ATP8B1: variants seen among roughly 807,000 people sequenced by gnomAD.
ATP8B1 encodes the protein ATPase phospholipid transporting 8B1.
Under a neutral mutation model 149.9 loss-of-function variants are expected in ATP8B1, and 80 were observed. The ratio of observed to expected loss-of-function variants is 0.53; its 90% CI spans 0.45 to 0.64. ATP8B1 has a LOEUF of 0.64. Ranked by LOEUF, ATP8B1 falls within the 30% of genes least tolerant of loss-of-function variation. ATP8B1 has a pLI of 0.00. For synonymous variants in ATP8B1, 536 were observed against 562.8 expected (o/e 0.95, Z 0.67); for missense variants, 1,247 against 1,552.6 (o/e 0.80, Z 3.31).
At chr18:57,683,871 T>G (rs1467816268) in intron 15 of ATP8B1, among the ~76,000 whole-genome samples, 165 bp downstream of exon 15, 1 of 152,254 alleles carries the variant, frequency 6.6e-6, no homozygotes, top group East Asian at 1.9e-4. Flanking sequence ...TTTCCTACTT[T>G]GCTCTTCCAT....
chr18:57,685,202 T>C, intron 13 of ATP8B1, 87 bp from the exon 14 acceptor site: 1 of 1,458,082 alleles, frequency 6.9e-7, no homozygotes, highest in Non-Finnish European at 9.6e-7. Flanking sequence ...ATAGTGATGG[T>C]GGTAAGACCA....
chr18:57,713,240 C>CTTCCTTCCTTCCTTCTTTCTTTCTTTCT (rs1555694278), intron 2 of ATP8B1, among the ~76,000 whole-genome samples: 2 of 65,156 alleles, frequency 3.1e-5, no homozygotes, highest in East Asian at 8.1e-4. Flanking sequence ...TCCTTCCTTC[C>CTTCCTTCCTTCCTTCTTTCTTTCTTTCT]TTCTTTCTTT....
In ATP8B1 at chr18:57,695,300, T is replaced by G. The variant is rs319443; in HGVS notation, c.811A>C (p.Arg271=). The change falls in exon 10 of 28, where the codon AGA becomes CGA. Residue 271 remains arginine (R), a synonymous_variant. Coordinates refer to ENST00000648908, the MANE Select transcript of ATP8B1 (RefSeq NM_001374385.1). ...GFIECEEPNN[R]LDKFTGTLFW... ...AGTGTTCCTGTAAACTTATCTAGTC[T>G]GTTATTGGGTTCTTCACATTCAATA... The G allele has an allele frequency of 1, 1,605,137 of 1,607,586 alleles. 801,384 individuals are homozygous for G. The highest frequency in any genetic ancestry group is 1 in the East Asian group (44,829 of 44,830).
chr18:57,743,556 A>G (rs1190017065), intron 1 of ATP8B1, among the ~76,000 whole-genome samples: 1 of 152,148 alleles, frequency 6.6e-6, no homozygotes, highest in Non-Finnish European at 1.5e-5. Flanking sequence ...GAGCTGGGCA[A>G]CCTGGGAGTC....
At chr18:57,750,225 A>G (rs920443163) in intron 1 of ATP8B1, among the ~76,000 whole-genome samples, 1 of 152,234 alleles carries the variant, frequency 6.6e-6, no homozygotes, top group Non-Finnish European at 1.5e-5. Context: ...CCTGGGCAAC[A>G]GAGTGAGATT....
intron 13 of ATP8B1, among the ~76,000 whole-genome samples, chr18:57,685,747 C>T (rs1291238666): frequency 2.6e-5 from 4 of 151,260 alleles, no homozygotes; most frequent in Non-Finnish European, 2.9e-5. Flanking sequence ...GCTTGGCTAG[C>T]ATGGTGAAAC....
intron 25 of ATP8B1, 112 bp from the exon 26 acceptor site, chr18:57,652,284 A>C: frequency 6.7e-7 from 1 of 1,488,878 alleles, no homozygotes; most frequent in Non-Finnish European, 9.2e-7. Flanking sequence ...ATGTGGCTTG[A>C]ATACTGGACC....
chr18:57,710,594 A>G (rs1019307499), intron 2 of ATP8B1, among the ~76,000 whole-genome samples: 2 of 152,184 alleles, frequency 1.3e-5, no homozygotes. Flanking sequence ...AGAAAAAAAA[A>G]CCATAGAAAC....
chr18:57,782,818 T>C (rs2080369962), intron 1 of ATP8B1, among the ~76,000 whole-genome samples: 2 of 137,836 alleles, frequency 1.5e-5, no homozygotes, highest in Non-Finnish European at 3.1e-5. Context: ...TTTTTTTTTT[T>C]TTTTTTTTTT....
intron 1 of ATP8B1, among the ~76,000 whole-genome samples, chr18:57,787,660 G>A (rs1427700206): frequency 6.6e-6 from 1 of 152,132 alleles, no homozygotes; most frequent in Non-Finnish European, 1.5e-5. Context: ...GAGCCCATTG[G>A]TTACTGATAT....
intron 8 of ATP8B1, among the ~76,000 whole-genome samples, chr18:57,697,241 C>T (rs1193962290): frequency 2.0e-5 from 3 of 151,998 alleles, no homozygotes; most frequent in South Asian, 2.1e-4. Flanking sequence ...CCAGCCTGGG[C>T]GACAGAGTGA....
At chr18:57,801,954 C>T (rs1175908653) in intron 1 of ATP8B1, 1 of 152,294 alleles carries the variant, frequency 6.6e-6, no homozygotes, top group Non-Finnish European at 1.5e-5. Context: ...CGGCCCAAGT[C>T]CTCCTTACTT....
Position 57,652,700 on chromosome 18 carries a change from G to T in ATP8B1, c.3045C>A (p.Phe1015Leu). Residue 1015 changes from phenylalanine (F) to leucine (L), a missense_variant, in exon 25 of 28, where the codon TTC becomes TTA. By Grantham distance (22) the Phe-to-Leu change is conservative. Coordinates refer to ENST00000648908, the MANE Select transcript of ATP8B1 (RefSeq NM_001374385.1). ...QDVSDKLSLR[F>L]PGLYIVGQRD... Reference sequence around the variant, plus strand: ...TTTGTCCCACTATGTATAACCCAGGGAATCGGAGGCTCAGTTTGTCACTCA... The same window carrying T: ...TTTGTCCCACTATGTATAACCCAGGTAATCGGAGGCTCAGTTTGTCACTCA... 6.2e-7 allele frequency: 1 copy of T among 1,614,090 alleles called. No homozygotes were observed. Among genetic ancestry groups the T allele is most frequent in the Non-Finnish European group, 8.5e-7 (1 of 1,179,990 alleles).
chr18:57,714,141 C>G (rs1913882692), intron 2 of ATP8B1, among the ~76,000 whole-genome samples: 1 of 152,212 alleles, frequency 6.6e-6, no homozygotes, highest in South Asian at 2.1e-4. Flanking sequence ...CAGCAGTAAC[C>G]TGGCAGCACT....
Position 57,667,099 on chromosome 18 carries a change from C to A in ATP8B1, c.2278G>T (p.Asp760Tyr), listed in dbSNP as rs1910906898. 4 of 1,611,438 alleles carry A rather than the reference C, an allele frequency of 2.5e-6. No homozygotes were observed. The highest frequency in any genetic ancestry group is 3.4e-6 in the Non-Finnish European group (4 of 1,177,644). Residue 760 changes from aspartate to tyrosine, a missense_variant, in exon 20 of 28, where the codon GAT becomes TAT. Coordinates refer to ENST00000648908, the MANE Select transcript of ATP8B1 (RefSeq NM_001374385.1). ...CTGCAGGCTTTTACTCACTTAATAT[C>A]CTCCCCATAGCAGATGGTGGTGTCT... ...TEDTTICYGE[D>Y]INSLLHARME...
At chr18:57,754,989 G>T (rs1441974962) in intron 1 of ATP8B1, among the ~76,000 whole-genome samples, 1 of 152,166 alleles carries the variant, frequency 6.6e-6, no homozygotes, top group Non-Finnish European at 1.5e-5. Flanking sequence ...TTTGCATAGT[G>T]AGTAAATGTG....
At chr18:57,764,483 A>G (rs1009762490) in intron 1 of ATP8B1, among the ~76,000 whole-genome samples, 13 of 146,294 alleles carry the variant, frequency 8.9e-5, no homozygotes, top group African/African-American at 3.3e-4. Flanking sequence ...CAGTGGTGTG[A>G]TCTCGGCTCA....
chr18:57,744,734 C>T (rs1195963086), intron 1 of ATP8B1, among the ~76,000 whole-genome samples: 1 of 152,202 alleles, frequency 6.6e-6, no homozygotes, highest in Non-Finnish European at 1.5e-5. Context: ...GCAAACCCTT[C>T]AGGGTAAAAT....
chr18:57,787,293 T>G (rs2080418758), intron 1 of ATP8B1, among the ~76,000 whole-genome samples: 1 of 152,226 alleles, frequency 6.6e-6, no homozygotes, highest in South Asian at 2.1e-4. Context: ...GCTTACTGAT[T>G]TCCTTATGAC....
Sources: allele counts gnomAD v4.1 joint callset (sites outside exome capture counted in the v4.1 genomes callset), GRCh38; gene constraint gnomAD v4.1.1; transcripts MANE v1.5; gene names NCBI Gene and HGNC (gene_info 2026-07-23, HGNC 2026-07-21).